Variants in SMARCC1 observed in about 807,000 individuals in gnomAD.
SMARCC1 encodes SWI/SNF complex subunit SMARCC1.
A neutral mutation model predicts 147.4 loss-of-function variants in SMARCC1; 43 were observed. The ratio of observed to expected loss-of-function variants is 0.29; its 90% CI spans 0.23 to 0.38. The LOEUF (loss-of-function observed/expected upper bound fraction) is 0.38. Among genes scored for constraint, SMARCC1 ranks in the 10% least tolerant of loss-of-function variants. The pLI is 1.00. For missense variants in SMARCC1, 1,119 were observed against 1,381.1 expected (o/e 0.81, Z 3.01); for synonymous variants, 495 against 484.4 (o/e 1.02, Z -0.29).
rs138056999 is a variant in SMARCC1 at position 47,656,978 on chromosome 3, C to T, written c.2320+4316G>A. Among the ~76,000 whole-genome samples the T allele has an allele frequency of 7.9e-5, 12 of 152,056 alleles. 1 individual carries two copies. In the East Asian group the frequency reaches 2.1e-3, roughly 27 times the overall value. Reference sequence around the variant, plus strand: ...ACCTAAAAACATCTGAAATGGCACGCTAATATCAGGTAAGATAGACTTTAA... The same window carrying T: ...ACCTAAAAACATCTGAAATGGCACGTTAATATCAGGTAAGATAGACTTTAA... On this transcript the variant is annotated intron_variant, in intron 21 of 27. Coordinates refer to ENST00000254480, the MANE Select transcript of SMARCC1 (RefSeq NM_003074.4).
chr3:47,773,202 A>T (rs550271702), intron 1 of SMARCC1, among the ~76,000 whole-genome samples: 7 of 151,998 alleles, frequency 4.6e-5, no homozygotes, highest in African/African-American at 1.7e-4. Flanking sequence ...ATCTCGGCTC[A>T]CTGCAACCTC....
Position 47,686,099 on chromosome 3 carries a change from C to A in SMARCC1, c.1335G>T (p.Gln445His). 1 of 1,612,660 alleles carries A rather than the reference C, an allele frequency of 6.2e-7. No homozygotes were observed. The highest frequency in any genetic ancestry group is 1.1e-5 in the South Asian group (1 of 91,018). The change falls in exon 14 of 28, where the codon CAG (glutamine) becomes CAT (histidine). Residue 445 changes from glutamine to histidine, a missense_variant. Gln to His is a conservative substitution (Grantham distance 24). This residue lies in a region of SMARCC1 where 542 missense variants were observed against 611.8 expected (regional missense o/e 0.89). Transcript: ENST00000254480. ...AACTAGGAATAATAATGTGATTGGT[C>A]TGCTCTGTCACATTATCTTCCCCAA... The part of the protein sequence containing the change: ...VDLGEDNVTE[Q>H]TNHIIIPSYA...
intron 1 of SMARCC1, among the ~76,000 whole-genome samples, chr3:47,777,836 A>C (rs2106882825): frequency 6.6e-6 from 1 of 152,038 alleles, no homozygotes; most frequent in Non-Finnish European, 1.5e-5. Context: ...TCTCAGTCCA[A>C]TTTTTAATAA....
intron 2 of SMARCC1, among the ~76,000 whole-genome samples, chr3:47,764,720 G>A (rs2034815831): frequency 1.3e-5 from 2 of 152,176 alleles, no homozygotes; most frequent in South Asian, 4.1e-4. Context: ...AAGGCCAGAA[G>A]CTAGCTAACT....
At chr3:47,746,215 G>C in intron 2 of SMARCC1, 3 of 372,462 alleles carry the variant, frequency 8.1e-6, no homozygotes, top group Non-Finnish European at 1.4e-5. Context: ...CTGGGAGCGT[G>C]AAACAGGAGG....
intron 2 of SMARCC1, among the ~76,000 whole-genome samples, chr3:47,765,074 A>G (rs1004048972): frequency 5.9e-5 from 9 of 152,124 alleles, no homozygotes; most frequent in Non-Finnish European, 1.2e-4. Context: ...CAACATGGAG[A>G]AACCCTGTCT....
At chr3:47,647,526 G>A (rs1356658124) in intron 21 of SMARCC1, among the ~76,000 whole-genome samples, 2 of 152,094 alleles carry the variant, frequency 1.3e-5, no homozygotes, top group Non-Finnish European at 2.9e-5. Context: ...TGAAAGCCAA[G>A]AACCATCTGT....
intron 3 of SMARCC1, 32 bp from the exon 4 acceptor site, chr3:47,738,142 T>C: frequency 2.8e-6 from 4 of 1,445,362 alleles, no homozygotes; most frequent in Non-Finnish European, 2.8e-6. Flanking sequence ...AGTTAATTTG[T>C]CTCCCAGCTT....
chr3:47,661,348 C>T lies in SMARCC1; in HGVS notation c.2266G>A (p.Gly756Ser), dbSNP rs778507418. ...RASGKVDPTYGLESSCIAGTG... is the reference protein window; with the variant it reads ...RASGKVDPTYSLESSCIAGTG... Reference sequence around the variant, plus strand: ...CCTGCAATGCAGCTGCTCTCCAGACCGTAGGTGGGATCCACTTTCCCAGAG... The same window carrying T: ...CCTGCAATGCAGCTGCTCTCCAGACTGTAGGTGGGATCCACTTTCCCAGAG... The change falls in exon 21 of 28, where the codon GGT (glycine) becomes AGT (serine). Residue 756 changes from glycine to serine, a missense_variant. Gly to Ser is a moderately conservative substitution (Grantham distance 56, BLOSUM62 0). Transcript: ENST00000254480. 14 of 1,613,878 alleles carry T rather than the reference C, an allele frequency of 8.7e-6. No individual in the cohort carries two copies. The highest frequency in any genetic ancestry group is 2.2e-5 in the East Asian group (1 of 44,864).
chr3:47,635,117 T>A, intron 24 of SMARCC1, 73 bp downstream of exon 24: 1 of 1,326,306 alleles, frequency 7.5e-7, no homozygotes, highest in Non-Finnish European at 1.1e-6. Flanking sequence ...TACTAAATGT[T>A]CCCAATTAAC....
At chr3:47,744,308 A>C (rs1300342632) in intron 3 of SMARCC1, among the ~76,000 whole-genome samples, 3 of 151,738 alleles carry the variant, frequency 2.0e-5, no homozygotes, top group African/African-American at 7.3e-5. Context: ...AGTCTGGCTA[A>C]TTTTTTTTGT....
At chr3:47,739,166 A>G (rs1468765123) in intron 3 of SMARCC1, among the ~76,000 whole-genome samples, 1 of 152,188 alleles carries the variant, frequency 6.6e-6, no homozygotes, top group African/African-American at 2.4e-5. Context: ...ATTGTGGAAA[A>G]CTACATTAGT....
chr3:47,666,258 C>G (rs961921168), intron 19 of SMARCC1, among the ~76,000 whole-genome samples: 1 of 152,176 alleles, frequency 6.6e-6, no homozygotes, highest in African/African-American at 2.4e-5. Context: ...TTCCCAGAAG[C>G]CTGTTCATTA....
chr3:47,712,425 A>T (rs73831527), intron 8 of SMARCC1, among the ~76,000 whole-genome samples: 278 of 151,670 alleles, frequency 1.8e-3, no homozygotes, highest in African/African-American at 6.3e-3. Flanking sequence ...TTTTTTTTTT[A>T]AAAGAGCTGA....
chr3:47,653,420 G>A (rs2033219886), intron 21 of SMARCC1, among the ~76,000 whole-genome samples: 2 of 152,116 alleles, frequency 1.3e-5, no homozygotes, highest in Non-Finnish European at 2.9e-5. Context: ...ATACCTATGT[G>A]TACACATTTG....
intron 19 of SMARCC1, chr3:47,663,858 G>C (rs2033384341): frequency 6.5e-7 from 1 of 1,545,922 alleles, no homozygotes; most frequent in East Asian, 2.2e-5. Context: ...ATGTGCACCT[G>C]GATCGCCGCC....
At chr3:47,663,793 C>T in intron 19 of SMARCC1, 1 of 1,581,944 alleles carries the variant, frequency 6.3e-7, no homozygotes, top group South Asian at 1.1e-5. Flanking sequence ...CGGCCGCCCT[C>T]ACCTACAGCC....
intron 5 of SMARCC1, among the ~76,000 whole-genome samples, chr3:47,734,239 T>C (rs2034413189): frequency 6.6e-6 from 1 of 152,138 alleles, no homozygotes; most frequent in South Asian, 2.1e-4. Context: ...AATAAAAAGA[T>C]ATTCCAAAAG....
intron 3 of SMARCC1, among the ~76,000 whole-genome samples, chr3:47,745,564 T>C (rs954025050): frequency 6.6e-6 from 1 of 151,562 alleles, no homozygotes; most frequent in African/African-American, 2.4e-5. Flanking sequence ...AATAGAAAAA[T>C]TAGCCAGGCA....
Sources: gnomAD v4.1 joint callset for allele counts (sites outside exome capture counted in the v4.1 genomes callset) on GRCh38, gnomAD v4.1.1 for gene constraint, gnomAD v4.1.1 regional missense constraint, MANE v1.5 for transcripts, NCBI Gene and HGNC (gene_info 2026-07-23, HGNC 2026-07-21) for gene names.